The following PDE8B variants were observed in gnomAD, a reference collection of about 807,000 sequenced individuals.
The protein encoded by PDE8B is high affinity cAMP-specific and IBMX-insensitive 3',5'-cyclic phosphodiesterase 8B.
Under a neutral mutation model 101.3 loss-of-function variants are expected in PDE8B, and 26 were observed. The observed-to-expected ratio is 0.26, with a 90% confidence interval of 0.19 to 0.36. The LOEUF is 0.36. Among genes scored for constraint, PDE8B ranks in the 10% least tolerant of loss-of-function variants. The probability of loss-of-function intolerance (pLI) is 1.00; values close to 1 mark genes in which losing one functional copy is unlikely to be tolerated. For missense variants in PDE8B, 810 were observed against 1,163.1 expected (o/e 0.70, Z 4.42); for synonymous variants, 424 against 429.3 (o/e 0.99, Z 0.15).
intron 11 of PDE8B, among the ~76,000 whole-genome samples, chr5:77,403,472 G>A (rs1009348063): frequency 1.3e-5 from 2 of 151,916 alleles, no homozygotes; most frequent in African/African-American, 2.4e-5. Flanking sequence ...AATTAATCTC[G>A]TAATTTAAAT....
chr5:77,286,143 C>T (rs1765963799), intron 1 of PDE8B, among the ~76,000 whole-genome samples: 1 of 152,100 alleles, frequency 6.6e-6, no homozygotes, highest in South Asian at 2.1e-4. Context: ...GTTGTGGAGG[C>T]TCTTTATTGT....
chr5:77,160,912 C>T, the PDE8B span, among the ~76,000 whole-genome samples: 1 of 152,156 alleles, frequency 6.6e-6, no homozygotes, highest in Non-Finnish European at 1.5e-5. Context: ...CTCAGCCTCC[C>T]AAAGTGCTAG....
At chr5:77,097,738 CATAT>C in the PDE8B span, among the ~76,000 whole-genome samples, 1 of 58,390 alleles carries the variant, frequency 1.7e-5, no homozygotes, top group Non-Finnish European at 3.8e-5. Context: ...TATATACATA[CATAT>C]GACCAGCTAA....
At chr5:77,273,785 C>T (rs567430711) in intron 1 of PDE8B, among the ~76,000 whole-genome samples, 11 of 151,884 alleles carry the variant, frequency 7.2e-5, no homozygotes, top group African/African-American at 1.9e-4. Context: ...GAGAGAACTT[C>T]CAGGTAGTTC....
rs71594634 is a variant in PDE8B at position 77,423,632 on chromosome 5, G to GTTTTTT, written c.2418+1666_2418+1671dup. On this transcript the variant is annotated intron_variant, in intron 20 of 21. Coordinates refer to ENST00000264917, the MANE Select transcript of PDE8B (RefSeq NM_003719.5). ...TGATGCTGGACTTTTGTTTTGTTTA[G>GTTTTTT]TTTTTTTTTTTTTTTTTTTTTTTTT... Among the ~76,000 whole-genome samples, 112 of 74,030 alleles carry GTTTTTT rather than the reference G, an allele frequency of 1.5e-3. 10 individuals carry two copies. Among genetic ancestry groups the GTTTTTT allele is most frequent in the African/African-American group, 3.4e-3 (65 of 19,182 alleles). The allele number at this position is 74,030 out of a possible 152,430, so 48.6% of individuals were successfully genotyped here.
the PDE8B span, among the ~76,000 whole-genome samples, chr5:77,130,366 C>G: frequency 6.6e-6 from 1 of 152,056 alleles, no homozygotes; most frequent in African/African-American, 2.4e-5. Flanking sequence ...CTCATAAAGA[C>G]GTTAGTTCTC....
chr5:77,296,148 C>T (rs997801848), intron 1 of PDE8B, among the ~76,000 whole-genome samples: 3 of 148,446 alleles, frequency 2.0e-5, no homozygotes, highest in African/African-American at 7.3e-5. Flanking sequence ...TCCTCCTCCT[C>T]CTCTTCTTCA....
intron 5 of PDE8B, among the ~76,000 whole-genome samples, chr5:77,332,559 C>T (rs534062874): frequency 9.2e-5 from 14 of 152,242 alleles, no homozygotes; most frequent in Admixed American, 5.9e-4. Context: ...GAATCCCGGC[C>T]GGGCACGGTG....
chr5:77,301,454 G>A (rs1769917347), intron 1 of PDE8B, among the ~76,000 whole-genome samples: 1 of 152,224 alleles, frequency 6.6e-6, no homozygotes, highest in Non-Finnish European at 1.5e-5. Flanking sequence ...ATGTTCAGGA[G>A]AAGGGAAGGC....
chr5:77,097,685 T>TTATA, the PDE8B span, among the ~76,000 whole-genome samples: 779 of 17,912 alleles, frequency 0.043, 57 homozygotes, highest in South Asian at 0.065. Context: ...TGTGGAGATT[T>TTATA]TATATATCTA....
At chr5:77,248,269 G>T (rs1323244577) in intron 1 of PDE8B, among the ~76,000 whole-genome samples, 1 of 152,174 alleles carries the variant, frequency 6.6e-6, no homozygotes, top group African/African-American at 2.4e-5. Context: ...AATGCTGGCT[G>T]GCTCATGGGA....
chr5:77,340,962 C>T (rs1779114228), intron 6 of PDE8B, among the ~76,000 whole-genome samples: 2 of 152,268 alleles, frequency 1.3e-5, no homozygotes, highest in East Asian at 3.9e-4. Flanking sequence ...GTTCCCACAA[C>T]TAGGTTACTT....
At chr5:77,209,161 G>A (rs1747773223), upstream of PDE8B, among the ~76,000 whole-genome samples, 1 of 152,136 alleles carries the variant, frequency 6.6e-6, no homozygotes, top group South Asian at 2.1e-4. Flanking sequence ...CAGGTTAGCT[G>A]GAGATGGAGT....
Position 77,412,156 on chromosome 5 carries a change from C to T in PDE8B, c.1633C>T (p.Pro545Ser). The T allele has an allele frequency of 6.2e-7, 1 of 1,613,664 alleles. No homozygotes were observed. Residue 545 changes from proline to serine, a missense_variant, in exon 16 of 22, where the codon CCT becomes TCT. By Grantham distance (74) the Pro-to-Ser change is moderately conservative. Transcript: ENST00000264917. ...AMPITINDVP[P>S]CISQLLDNEE... ...GCCAATAACCATCAATGATGTTCCCCCTTGTATCTCTCAATTACTTGATAA... is the reference window on the plus strand; with the variant it reads ...GCCAATAACCATCAATGATGTTCCCTCTTGTATCTCTCAATTACTTGATAA...
chr5:77,345,088 A>C (rs552842670), intron 7 of PDE8B, among the ~76,000 whole-genome samples, 157 bp downstream of exon 7: 88 of 152,374 alleles, frequency 5.8e-4, no homozygotes, highest in African/African-American at 2.1e-3. Flanking sequence ...TGATAGACTT[A>C]AGAATTAGAT....
Position 77,421,887 on chromosome 5 carries a change from A to G in PDE8B, c.2317A>G (p.Lys773Glu). 6.2e-7 allele frequency: 1 copy of G among 1,614,154 alleles called. No individual in the cohort carries two copies. Among genetic ancestry groups the G allele is most frequent in the Admixed American group, 1.7e-5 (1 of 60,026 alleles). ...KNFPENQILI[K>E]RMMIKCADVA... ...CTTCCCTGAAAACCAAATCCTGATCAAACGCATGATGATTAAGTGTGCTGA... is the reference window on the plus strand; with the variant it reads ...CTTCCCTGAAAACCAAATCCTGATCGAACGCATGATGATTAAGTGTGCTGA... The change falls in exon 20 of 22, where the codon AAA (lysine) becomes GAA (glutamate). Residue 773 changes from lysine to glutamate, a missense_variant. This residue lies in a region of PDE8B where 325 missense variants were observed against 560.9 expected (regional missense o/e 0.58). Transcript: ENST00000264917.
chr5:77,412,086 A>T lies in PDE8B; in HGVS notation c.1577-14A>T, dbSNP rs774098279. 5.0e-6 allele frequency: 8 copies of T among 1,613,808 alleles called. No homozygotes were observed. The highest frequency in any genetic ancestry group is 2.7e-5 in the African/African-American group (2 of 74,904). Reference sequence around the variant, plus strand: ...ACAATTAACCAGCCTCCCCCATCCCATCTGTTTGCTCAGATGTGCACCAGA... The same window carrying T: ...ACAATTAACCAGCCTCCCCCATCCCTTCTGTTTGCTCAGATGTGCACCAGA... On this transcript the variant is annotated splice_polypyrimidine_tract_variant and intron_variant, in intron 15 of 21. Transcript: ENST00000264917.
intron 7 of PDE8B, among the ~76,000 whole-genome samples, chr5:77,345,641 A>G (rs995755831): frequency 3.3e-5 from 5 of 152,248 alleles, no homozygotes; most frequent in African/African-American, 1.2e-4. Context: ...CATCCTCCTA[A>G]GGAAATGTGT....
chr5:77,419,441 C>T (rs1285999234), intron 18 of PDE8B, among the ~76,000 whole-genome samples: 1 of 152,200 alleles, frequency 6.6e-6, no homozygotes, highest in Non-Finnish European at 1.5e-5. Flanking sequence ...CCTGCCATTT[C>T]CTGCCACCTT....
Sources: allele counts gnomAD v4.1 joint callset (sites outside exome capture counted in the v4.1 genomes callset), GRCh38; gene constraint gnomAD v4.1.1; regional missense constraint gnomAD v4.1.1; transcripts MANE v1.5; gene names NCBI Gene and HGNC (gene_info 2026-07-23, HGNC 2026-07-21).